KDM4C: variants seen among roughly 807,000 people sequenced by gnomAD.
The protein encoded by KDM4C is lysine-specific demethylase 4C.
A neutral mutation model predicts 129.3 loss-of-function variants in KDM4C; 81 were observed. That is an observed-to-expected ratio of 0.63 (90% CI 0.52 to 0.75). The LOEUF (loss-of-function observed/expected upper bound fraction) is 0.75. Among genes scored for constraint, KDM4C ranks in the 30% least tolerant of loss-of-function variants. KDM4C has a pLI of 0.00. For missense variants in KDM4C, 1,457 were observed against 1,304.0 expected (o/e 1.12, Z -1.81); for synonymous variants, 573 against 456.1 (o/e 1.26, Z -3.26).
intron 18 of KDM4C, chr9:7,105,501 G>T (rs137987155): frequency 4.3e-6 from 2 of 469,832 alleles, no homozygotes; most frequent in African/African-American, 2.0e-5. Context: ...ACTGGGCCAC[G>T]TGAGTAGTGT....
chr9:7,130,297 C>T (rs1840476958), intron 19 of KDM4C, among the ~76,000 whole-genome samples: 1 of 152,162 alleles, frequency 6.6e-6, no homozygotes, highest in Non-Finnish European at 1.5e-5. Context: ...AATTAATGAA[C>T]CCTAAATTCT....
chr9:7,098,254 T>C (rs550925286), intron 17 of KDM4C, among the ~76,000 whole-genome samples: 37 of 152,340 alleles, frequency 2.4e-4, no homozygotes, highest in Admixed American at 1.3e-3. Context: ...CCATTTTTTT[T>C]AGCTCTGTCT....
At chr9:6,943,591 C>T (rs780488047) in intron 8 of KDM4C, among the ~76,000 whole-genome samples, 3 of 151,874 alleles carry the variant, frequency 2.0e-5, no homozygotes, top group Non-Finnish European at 2.9e-5. Context: ...GGGAAGATTG[C>T]TTGAGCCCAG....
intron 21 of KDM4C, among the ~76,000 whole-genome samples, chr9:7,171,172 G>A (rs1844922208): frequency 6.6e-6 from 1 of 152,140 alleles, no homozygotes; most frequent in South Asian, 2.1e-4. Context: ...GTCCTTCAAA[G>A]TGAAATCGTC....
chr9:6,990,729 A>C, intron 12 of KDM4C, among the ~76,000 whole-genome samples: 1 of 152,204 alleles, frequency 6.6e-6, no homozygotes, highest in East Asian at 1.9e-4. Flanking sequence ...TAGCCTTATT[A>C]CTGGTAAAAG....
At chr9:7,140,433 A>AAATCT (rs1460783261) in intron 19 of KDM4C, among the ~76,000 whole-genome samples, 2 of 152,172 alleles carry the variant, frequency 1.3e-5, no homozygotes, top group African/African-American at 4.8e-5. Context: ...CCTCCAGGAG[A>AAATCT]AATCTAATGA....
intron 8 of KDM4C, chr9:6,924,996 G>T (rs1462890486): frequency 5.1e-6 from 5 of 985,218 alleles, no homozygotes; most frequent in African/African-American, 1.7e-5. Context: ...TTGTATTAGT[G>T]AATCTTAGGC....
intron 15 of KDM4C, among the ~76,000 whole-genome samples, chr9:7,035,800 T>C (rs2890734): frequency 0.11 from 16,581 of 152,152 alleles, 1,221 homozygotes; most frequent in African/African-American, 0.2. Flanking sequence ...ACTGTAGATA[T>C]GTGGGGTAAT....
At chr9:6,820,845 T>C (rs1016078495) in intron 4 of KDM4C, among the ~76,000 whole-genome samples, 5 of 151,926 alleles carry the variant, frequency 3.3e-5, no homozygotes, top group Non-Finnish European at 7.4e-5. Context: ...ACAGTAGATA[T>C]TTCTCCTAAT....
At chr9:6,818,032 T>C (rs1203566931) in intron 4 of KDM4C, among the ~76,000 whole-genome samples, 1 of 152,188 alleles carries the variant, frequency 6.6e-6, no homozygotes. Context: ...TCCAAAGTGC[T>C]GGGATTACAG....
chr9:6,941,083 T>C (rs1379615292), intron 8 of KDM4C, among the ~76,000 whole-genome samples: 8 of 151,354 alleles, frequency 5.3e-5, no homozygotes, highest in Non-Finnish European at 1.0e-4. Flanking sequence ...CAGGTTGGAG[T>C]GCAGTGGCAC....
chr9:7,089,475 T>C (rs1258757687), intron 17 of KDM4C, among the ~76,000 whole-genome samples: 1 of 152,216 alleles, frequency 6.6e-6, no homozygotes, highest in Admixed American at 6.5e-5. Context: ...TCCTTTTGGA[T>C]TTTCTGAATT....
intron 8 of KDM4C, among the ~76,000 whole-genome samples, chr9:6,933,212 G>C (rs184781809): frequency 6.6e-6 from 1 of 152,188 alleles, no homozygotes; most frequent in African/African-American, 2.4e-5. Context: ...AATAGGTATA[G>C]GATGTTAACT....
chr9:6,864,470 C>T (rs1841551033), intron 5 of KDM4C, among the ~76,000 whole-genome samples: 1 of 152,004 alleles, frequency 6.6e-6, no homozygotes, highest in Non-Finnish European at 1.5e-5. Flanking sequence ...TTATTATATG[C>T]CTTGGGGTAA....
intron 17 of KDM4C, among the ~76,000 whole-genome samples, chr9:7,068,995 C>T (rs535306833): frequency 4.6e-5 from 7 of 152,202 alleles, no homozygotes; most frequent in Admixed American, 4.6e-4. Flanking sequence ...CCGCGCCTGG[C>T]CTATGATGCC....
intron 1 of KDM4C, among the ~76,000 whole-genome samples, chr9:6,729,344 C>G (rs1454667529): frequency 7.6e-6 from 1 of 131,272 alleles, no homozygotes; most frequent in Non-Finnish European, 1.5e-5. Flanking sequence ...AGTTCAAGAC[C>G]AGCCTGGGCA....
intron 8 of KDM4C, among the ~76,000 whole-genome samples, chr9:6,957,876 A>G (rs1362267013): frequency 1.3e-5 from 2 of 152,154 alleles, no homozygotes; most frequent in Non-Finnish European, 2.9e-5. Flanking sequence ...GGACAATAAA[A>G]CACAATTCGA....
At chr9:6,768,763 C>G (rs957943651) in intron 1 of KDM4C, among the ~76,000 whole-genome samples, 6 of 151,286 alleles carry the variant, frequency 4.0e-5, no homozygotes, top group Admixed American at 1.3e-4. Flanking sequence ...GATCTTGACA[C>G]TTTTTGTTTT....
At chr9:7,139,561 A>T (rs971778642) in intron 19 of KDM4C, among the ~76,000 whole-genome samples, 1 of 152,218 alleles carries the variant, frequency 6.6e-6, no homozygotes, top group Admixed American at 6.5e-5. Context: ...ATATGTATAT[A>T]TATTGTAAAG....
Sources: gnomAD v4.1 joint callset for allele counts (sites outside exome capture counted in the v4.1 genomes callset) on GRCh38, gnomAD v4.1.1 for gene constraint, MANE v1.5 for transcripts, NCBI Gene and HGNC (gene_info 2026-07-23, HGNC 2026-07-21) for gene names.